EEFSEC: variants seen among roughly 807,000 people sequenced by gnomAD.
The protein encoded by EEFSEC is selenocysteine-specific elongation factor.
EEFSEC carries 43 observed loss-of-function variants against 42.1 expected under a neutral mutation model. The ratio of observed to expected loss-of-function variants is 1.02; its 90% CI spans 0.80 to 1.32. The LOEUF is 1.32. Ranked by LOEUF, EEFSEC falls within the 40% of genes most tolerant of loss-of-function variation. The pLI is 0.00. For missense variants in EEFSEC, 745 were observed against 803.6 expected, an observed-to-expected ratio of 0.93 and a Z score of 0.88; for synonymous variants, 354 against 339.1, an observed-to-expected ratio of 1.04 and a Z score of -0.48.
chr3:128,202,412 A>G (rs921814552), intron 1 of EEFSEC, among the ~76,000 whole-genome samples: 3 of 152,158 alleles, frequency 2.0e-5, no homozygotes, highest in African/African-American at 7.2e-5. Context: ...TAAGTATTTT[A>G]TGTATTTTGA....
At chr3:128,265,238 G>T (rs913875010) in intron 4 of EEFSEC, among the ~76,000 whole-genome samples, 3 of 152,112 alleles carry the variant, frequency 2.0e-5, no homozygotes, top group Non-Finnish European at 4.4e-5. Context: ...TAAACATGAC[G>T]TGAATCTTAT....
intron 1 of EEFSEC, among the ~76,000 whole-genome samples, chr3:128,189,194 C>T (rs2065495945): frequency 6.6e-6 from 1 of 152,236 alleles, no homozygotes; most frequent in African/African-American, 2.4e-5. Flanking sequence ...GGCCTGTGAG[C>T]ACTGGTTCTC....
intron 4 of EEFSEC, among the ~76,000 whole-genome samples, chr3:128,272,819 G>A (rs1367541577): frequency 6.6e-6 from 1 of 152,152 alleles, no homozygotes; most frequent in Non-Finnish European, 1.5e-5. Flanking sequence ...GGGAGGGATG[G>A]TTCACTAAGA....
At position 128,262,136 on chromosome 3, in the gene EEFSEC, G is replaced by A; in HGVS notation, c.533G>A (p.Gly178Asp). The stretch of plus-strand genomic sequence containing the variant: ...CTTATTTTCCATTTCAGGTTCCGAG[G>A]TGCACCGATTATACCCGTGGCGGCC... ...QKTLENTKFR[G>D]APIIPVAAKP... The change falls in exon 3 of 7, where the codon GGT (glycine) becomes GAT (aspartate). Residue 178 changes from glycine (G) to aspartate (D), a missense_variant. By Grantham distance (94) the Gly-to-Asp change is moderately conservative (BLOSUM62 -1). Transcript: ENST00000254730. 1 of 1,614,076 alleles carries A rather than the reference G, an allele frequency of 6.2e-7. No homozygotes were observed.
At chr3:128,362,350 G>A in intron 6 of EEFSEC, 1 of 465,286 alleles carries the variant, frequency 2.1e-6, no homozygotes. Flanking sequence ...AAGCTGAATA[G>A]ACTTGTTCCT....
chr3:128,208,840 G>A (rs2065726908), intron 1 of EEFSEC, among the ~76,000 whole-genome samples: 1 of 152,146 alleles, frequency 6.6e-6, no homozygotes, highest in African/African-American at 2.4e-5. Flanking sequence ...TGGAGTTTTG[G>A]GCAAAAGCTC....
chr3:128,242,178 G>C (rs1308102893), intron 1 of EEFSEC, among the ~76,000 whole-genome samples: 1 of 152,004 alleles, frequency 6.6e-6, no homozygotes, highest in African/African-American at 2.4e-5. Flanking sequence ...AATAAGCTGG[G>C]TATGGTGGCA....
intron 6 of EEFSEC, among the ~76,000 whole-genome samples, chr3:128,358,719 G>A (rs1296134898): frequency 1.3e-5 from 2 of 152,234 alleles, no homozygotes; most frequent in African/African-American, 2.4e-5. Flanking sequence ...AGAAGAGCAG[G>A]TGAGGGAGAC....
At chr3:128,290,514 T>A (rs1466374252) in intron 4 of EEFSEC, among the ~76,000 whole-genome samples, 1 of 152,176 alleles carries the variant, frequency 6.6e-6, no homozygotes, top group Non-Finnish European at 1.5e-5. Context: ...TTCAACTTTG[T>A]TCTTTTGTTT....
chr3:128,386,285 T>C (rs1031551557), intron 6 of EEFSEC, among the ~76,000 whole-genome samples: 2 of 152,134 alleles, frequency 1.3e-5, no homozygotes, highest in Admixed American at 6.5e-5. Flanking sequence ...GACCTACAAG[T>C]TGGGGCCATA....
At chr3:128,352,836 C>G (rs895003760) in intron 5 of EEFSEC, among the ~76,000 whole-genome samples, 1 of 152,244 alleles carries the variant, frequency 6.6e-6, no homozygotes, top group Non-Finnish European at 1.5e-5. Flanking sequence ...GATGCCTGCA[C>G]CCACAGAGGT....
At position 128,153,808 on chromosome 3, in the gene EEFSEC, C is replaced by A. The variant is rs766214260; in HGVS notation, c.301C>A (p.Arg101=). 17 of 1,517,024 alleles carry A rather than the reference C, an allele frequency of 1.1e-5. No individual in the cohort carries two copies. In the African/African-American group the frequency reaches 2.0e-4, roughly 18 times the overall value. 94.0% of individuals were successfully genotyped at this position (1,517,024 alleles called of 1,614,324 possible). The change falls in exon 1 of 7, where the codon CGG becomes AGG. Residue 101 remains arginine (R), a synonymous_variant. Coordinates refer to ENST00000254730, the MANE Select transcript of EEFSEC (RefSeq NM_021937.5). ...CTGCCCCGGGCACGCCTCCCTCATC[C>A]GGACCATCATCGGCGGTGAGCGCGG... The part of the protein sequence containing the change: ...VDCPGHASLI[R]TIIGGAQIID...
At chr3:128,186,755 A>G (rs1403531449) in intron 1 of EEFSEC, among the ~76,000 whole-genome samples, 1 of 152,194 alleles carries the variant, frequency 6.6e-6, no homozygotes, top group African/African-American at 2.4e-5. Flanking sequence ...TAGATTCTCA[A>G]TATTTCATTG....
chr3:128,173,857 G>A (rs992580601), intron 1 of EEFSEC, among the ~76,000 whole-genome samples: 3 of 152,176 alleles, frequency 2.0e-5, no homozygotes, highest in Non-Finnish European at 2.9e-5. Flanking sequence ...TGAGAGAATG[G>A]TGCCCCAAGT....
At chr3:128,156,788 C>G (rs778663117) in intron 1 of EEFSEC, among the ~76,000 whole-genome samples, 3 of 152,202 alleles carry the variant, frequency 2.0e-5, no homozygotes, top group South Asian at 2.1e-4. Context: ...CTGGCTTTTT[C>G]CCTGTCTGTC....
At chr3:128,359,063 A>G (rs2067493376) in intron 6 of EEFSEC, among the ~76,000 whole-genome samples, 1 of 152,246 alleles carries the variant, frequency 6.6e-6, no homozygotes, top group South Asian at 2.1e-4. Context: ...AATCCCTGTC[A>G]GATGGGAGTA....
Position 128,261,629 on chromosome 3 carries a change from A to G in EEFSEC, c.525-499A>G, listed in dbSNP as rs145698769. On this transcript the variant is annotated intron_variant, in intron 2 of 6. Coordinates refer to ENST00000254730, the MANE Select transcript of EEFSEC (RefSeq NM_021937.5). ...AGATAAATGTCCACACAGAATAAGT[A>G]TGTCTTCTTAAAGATGCGGGGGCTT... Among the ~76,000 whole-genome samples, 927 of 143,976 alleles carry G rather than the reference A, an allele frequency of 6.4e-3. 8 individuals carry two copies. Among genetic ancestry groups the G allele is most frequent in the African/African-American group, 0.022 (868 of 38,824 alleles). The allele number at this position is 143,976 out of a possible 152,430, so 94.5% of individuals were successfully genotyped here.
chr3:128,179,704 A>G (rs2065385888), intron 1 of EEFSEC, among the ~76,000 whole-genome samples: 1 of 152,188 alleles, frequency 6.6e-6, no homozygotes, highest in Non-Finnish European at 1.5e-5. Context: ...TTCATTTAAA[A>G]GCGATCGGTA....
chr3:128,264,866 C>T, intron 4 of EEFSEC, 85 bp downstream of exon 4: 2 of 1,454,016 alleles, frequency 1.4e-6, no homozygotes, highest in East Asian at 2.4e-5. Flanking sequence ...AGCTGCTGAG[C>T]CTGCTGCTGT....
Sources: allele counts gnomAD v4.1 joint callset (sites outside exome capture counted in the v4.1 genomes callset), GRCh38; gene constraint gnomAD v4.1.1; transcripts MANE v1.5; gene names NCBI Gene and HGNC (gene_info 2026-07-23, HGNC 2026-07-21).